The following FBN2 variants were observed in gnomAD, a reference collection of about 807,000 sequenced individuals.
FBN2 encodes fibrillin 2.
A neutral mutation model predicts 355.6 loss-of-function variants in FBN2; 105 were observed. The ratio of observed to expected loss-of-function variants is 0.30; its 90% CI spans 0.25 to 0.35. The LOEUF is 0.35. Among genes scored for constraint, FBN2 ranks in the 10% least tolerant of loss-of-function variants. FBN2 has a pLI of 1.00. For synonymous variants in FBN2, 1,350 were observed against 1,301.2 expected (o/e 1.04, Z -0.81); for missense variants, 3,280 against 3,758.7 (o/e 0.87, Z 3.33).
intron 5 of FBN2, among the ~76,000 whole-genome samples, chr5:128,505,445 A>G (rs1755929867): frequency 6.6e-6 from 1 of 152,192 alleles, no homozygotes; most frequent in South Asian, 2.1e-4. Context: ...AATTACTTTC[A>G]TTGTTCAATT....
chr5:128,439,326 T>C (rs2127044506), intron 7 of FBN2, among the ~76,000 whole-genome samples: 1 of 152,330 alleles, frequency 6.6e-6, no homozygotes, highest in Non-Finnish European at 1.5e-5. Flanking sequence ...AATTGCCCTC[T>C]ATATAGGGCA....
At position 128,536,387 on chromosome 5, in the gene FBN2, C is replaced by G. The variant is rs773450360; in HGVS notation, c.337+15G>C. ...AGTGCGCTGCCCCAAGCTGCGATCC[C>G]TGCCAAGCACTCACGGACAATGCAC... On this transcript the variant is annotated intron_variant, in intron 2 of 64. Transcript: ENST00000262464. 1 of 1,611,348 alleles carries G rather than the reference C, an allele frequency of 6.2e-7. No individual in the cohort carries two copies. The highest frequency in any genetic ancestry group is 8.5e-7 in the Non-Finnish European group (1 of 1,177,700).
intron 20 of FBN2, among the ~76,000 whole-genome samples, chr5:128,356,141 C>A (rs1054053597): frequency 6.6e-6 from 1 of 152,148 alleles, no homozygotes; most frequent in African/African-American, 2.4e-5. Context: ...CCACCGCCCC[C>A]CCAACCCAGC....
chr5:128,260,800 C>G (rs974076007), intron 64 of FBN2, among the ~76,000 whole-genome samples: 6 of 152,112 alleles, frequency 3.9e-5, no homozygotes, highest in Non-Finnish European at 5.9e-5. Context: ...AAAACTGAAG[C>G]AAGTTGTCCA....
chr5:128,330,792 A>T (rs1016398199), intron 32 of FBN2, 97 bp from the exon 33 acceptor site: 29 of 1,333,422 alleles, frequency 2.2e-5, no homozygotes, highest in Non-Finnish European at 3.1e-5. Flanking sequence ...AACTGGATAA[A>T]TGACAGGCAT....
At position 128,328,832 on chromosome 5, in the gene FBN2, A is replaced by G; in HGVS notation, c.4346-11T>C. ...CACACTCATCAACATCTGTGCAAAA[A>G]AGCAAATTACATCTCTGTTAAGTTC... On this transcript the variant is annotated splice_polypyrimidine_tract_variant and intron_variant, in intron 33 of 64. Transcript: ENST00000262464. 1 of 1,614,104 alleles carries G rather than the reference A, an allele frequency of 6.2e-7. No homozygotes were observed. The highest frequency in any genetic ancestry group is 8.5e-7 in the Non-Finnish European group (1 of 1,179,998).
chr5:128,400,624 C>T (rs1214009395), intron 8 of FBN2, among the ~76,000 whole-genome samples: 1 of 152,124 alleles, frequency 6.6e-6, no homozygotes, highest in African/African-American at 2.4e-5. Flanking sequence ...AACCATGAAG[C>T]AAATACTGTA....
In FBN2 at chr5:128,527,891, A is replaced by C. The variant is rs1756603412; in HGVS notation, c.513T>G (p.Ile171Met). The C allele has an allele frequency of 6.2e-7, 1 of 1,610,030 alleles. No individual in the cohort carries two copies. The highest frequency in any genetic ancestry group is 1.3e-5 in the African/African-American group (1 of 74,798). ...DDHCQCQKGY[I>M]GTYCGQPVCE... ...CCTTACGTTGTCCACAATAAGTTCC[A>C]ATATATCCTTTCTGGCACTGGCAGT... Residue 171 changes from isoleucine to methionine, a missense_variant, in exon 4 of 65, where the codon ATT becomes ATG. By Grantham distance (10) the Ile-to-Met change is conservative. Around this residue, in one of 6 missense-constraint regions of FBN2, gnomAD observed 130 missense variants for 189.9 expected, o/e 0.68. Transcript: ENST00000262464.
chr5:128,333,551 A>C (rs1750749134), intron 31 of FBN2, among the ~76,000 whole-genome samples: 1 of 152,138 alleles, frequency 6.6e-6, no homozygotes, highest in Non-Finnish European at 1.5e-5. Context: ...AATATTTTAC[A>C]GAATTTAAAA....
chr5:128,400,634 A>C (rs1752772913), intron 8 of FBN2, among the ~76,000 whole-genome samples: 1 of 152,240 alleles, frequency 6.6e-6, no homozygotes, highest in Admixed American at 6.5e-5. Flanking sequence ...CAAATACTGT[A>C]CCAGAATATT....
chr5:128,379,813 A>G (rs902398832), intron 11 of FBN2, among the ~76,000 whole-genome samples: 1 of 152,180 alleles, frequency 6.6e-6, no homozygotes, highest in East Asian at 1.9e-4. Flanking sequence ...TAGTTGGTAG[A>G]GGGCATAATG....
intron 1 of FBN2, among the ~76,000 whole-genome samples, chr5:128,536,954 C>A (rs572427866): frequency 1.3e-5 from 2 of 152,216 alleles, no homozygotes; most frequent in East Asian, 3.9e-4. Context: ...CACACGTCCT[C>A]AAACAAAAGG....
At chr5:128,501,006 C>T (rs1023857209) in intron 5 of FBN2, among the ~76,000 whole-genome samples, 9 of 152,124 alleles carry the variant, frequency 5.9e-5, no homozygotes, top group Non-Finnish European at 1.0e-4. Flanking sequence ...AACATAAGAA[C>T]AAAGGATTCT....
intron 48 of FBN2, among the ~76,000 whole-genome samples, chr5:128,299,120 G>A (rs544055031): frequency 2.6e-5 from 4 of 152,044 alleles, no homozygotes; most frequent in Non-Finnish European, 5.9e-5. Context: ...CCCCTGCTGG[G>A]GGGTGCCTCC....
intron 6 of FBN2, among the ~76,000 whole-genome samples, chr5:128,451,299 T>G (rs1372227421): frequency 3.9e-5 from 6 of 152,212 alleles, no homozygotes; most frequent in Admixed American, 3.9e-4. Flanking sequence ...GGATACATGA[T>G]GTAAACAAAA....
At chr5:128,369,439 T>C (rs1170197494) in intron 15 of FBN2, 105 bp from the exon 16 acceptor site, 1 of 1,056,224 alleles carries the variant, frequency 9.5e-7, no homozygotes, top group Non-Finnish European at 1.4e-6. Flanking sequence ...TGGAAGCTTT[T>C]CAAGGGCATC....
At chr5:128,456,910 A>G (rs1486532722) in intron 6 of FBN2, among the ~76,000 whole-genome samples, 1 of 152,206 alleles carries the variant, frequency 6.6e-6, no homozygotes, top group African/African-American at 2.4e-5. Flanking sequence ...AATGACTGCA[A>G]CATCTCTCCA....
intron 6 of FBN2, among the ~76,000 whole-genome samples, chr5:128,464,363 A>C (rs867916979): frequency 2.0e-5 from 3 of 152,298 alleles, no homozygotes; most frequent in Admixed American, 2.0e-4. Context: ...AACTTGAATG[A>C]GATAAAGAGA....
chr5:128,394,285 A>G (rs1029779518), intron 9 of FBN2, among the ~76,000 whole-genome samples: 1 of 152,166 alleles, frequency 6.6e-6, no homozygotes, highest in Non-Finnish European at 1.5e-5. Flanking sequence ...ATTAATTTGT[A>G]CTTTACTACT....
Sources: allele counts gnomAD v4.1 joint callset (sites outside exome capture counted in the v4.1 genomes callset), GRCh38; gene constraint gnomAD v4.1.1; regional missense constraint gnomAD v4.1.1; transcripts MANE v1.5; gene names NCBI Gene and HGNC (gene_info 2026-07-23, HGNC 2026-07-21).